The following RELN variants were observed in gnomAD, a reference collection of about 807,000 sequenced individuals.
RELN encodes the protein reelin.
RELN carries 108 observed loss-of-function variants against 427.6 expected under a neutral mutation model. That is an observed-to-expected ratio of 0.25 (90% CI 0.22 to 0.30). The LOEUF is 0.30. Among genes scored for constraint, RELN ranks in the 10% least tolerant of loss-of-function variants. RELN has a pLI of 1.00. For synonymous variants in RELN, 1,524 were observed against 1,513.4 expected (o/e 1.01, Z -0.16); for missense variants, 3,715 against 4,302.8 (o/e 0.86, Z 3.82).
At chr7:103,844,173 G>A (rs1313708735) in intron 2 of RELN, among the ~76,000 whole-genome samples, 1 of 152,184 alleles carries the variant, frequency 6.6e-6, no homozygotes, top group East Asian at 1.9e-4. Context: ...TCCAAGCCAT[G>A]TAGGAGACTA....
At position 103,580,053 on chromosome 7, in the gene RELN, C is replaced by CA. The variant is rs200409446; in HGVS notation, c.4146-4349dup. On this transcript the variant is annotated intron_variant, in intron 28 of 64. Transcript: ENST00000428762. ...CCATCACCAATGTGTTTTCTGTAGGCAAGAGCCCGGTGAATTAATATGAGC... is the reference window on the plus strand; with the variant it reads ...CCATCACCAATGTGTTTTCTGTAGGCAAAGAGCCCGGTGAATTAATATGAGC... 7.2e-3 allele frequency among the ~76,000 whole-genome samples: 1,097 copies of CA among 152,284 alleles called. 8 individuals carry two copies. Among genetic ancestry groups the CA allele is most frequent in the Non-Finnish European group, 0.011 (744 of 68,026 alleles).
chr7:103,507,200 A>G (rs1829245164), intron 51 of RELN, among the ~76,000 whole-genome samples: 1 of 152,152 alleles, frequency 6.6e-6, no homozygotes, highest in Non-Finnish European at 1.5e-5. Flanking sequence ...CATCTACAGA[A>G]CTCTCCACCT....
At chr7:103,481,236 T>C (rs1384944383) in intron 63 of RELN, among the ~76,000 whole-genome samples, 2 of 152,140 alleles carry the variant, frequency 1.3e-5, no homozygotes, top group African/African-American at 2.4e-5. Context: ...CCAAAATAGG[T>C]AAGTGCAATT....
intron 2 of RELN, among the ~76,000 whole-genome samples, chr7:103,872,683 G>C (rs909755058): frequency 6.8e-6 from 1 of 146,472 alleles, no homozygotes; most frequent in African/African-American, 2.5e-5. Flanking sequence ...CCCACCAACA[G>C]TGTAAAAGTG....
chr7:103,895,954 C>A (rs1794950324), intron 2 of RELN, among the ~76,000 whole-genome samples: 1 of 152,020 alleles, frequency 6.6e-6, no homozygotes, highest in South Asian at 2.1e-4. Flanking sequence ...TGATAGAGGA[C>A]TGATACACAG....
In RELN at chr7:103,636,413, T is replaced by A. The variant is rs114577182; in HGVS notation, c.2125A>T (p.Met709Leu). The A allele has an allele frequency of 1.2e-5, 20 of 1,613,832 alleles. No individual in the cohort carries two copies. Among genetic ancestry groups the A allele is most frequent in the African/African-American group, 1.1e-4 (8 of 74,898 alleles). ...CTGCCAAAGCTTTCAGAAATAAACATTGGGAATGTCTGGGATGCCATCTCA... is the reference window on the plus strand; with the variant it reads ...CTGCCAAAGCTTTCAGAAATAAACAATGGGAATGTCTGGGATGCCATCTCA... ...ACEMASQTFPMFISESFGSSR... is the reference protein window; with the variant it reads ...ACEMASQTFPLFISESFGSSR... The change falls in exon 18 of 65, where the codon ATG becomes TTG. Residue 709 changes from methionine to leucine, a missense_variant. Transcript: ENST00000428762.
intron 2 of RELN, among the ~76,000 whole-genome samples, chr7:103,863,507 G>GT (rs1794121159): frequency 6.6e-6 from 1 of 152,184 alleles, no homozygotes; most frequent in Non-Finnish European, 1.5e-5. Flanking sequence ...TGCAATGGGA[G>GT]TAGTTTTTTA....
intron 4 of RELN, among the ~76,000 whole-genome samples, chr7:103,753,690 T>A (rs1791061928): frequency 6.6e-6 from 1 of 152,204 alleles, no homozygotes; most frequent in Non-Finnish European, 1.5e-5. Flanking sequence ...TACAAATTAA[T>A]AATGGTTTTA....
At chr7:103,851,029 C>T (rs1233871464) in intron 2 of RELN, among the ~76,000 whole-genome samples, 1 of 152,168 alleles carries the variant, frequency 6.6e-6, no homozygotes, top group African/African-American at 2.4e-5. Context: ...GATACTTGCA[C>T]AGGCGTATTT....
rs997735183 is a variant in RELN at position 103,620,685 on chromosome 7, G to A, written c.2703-8882C>T. On this transcript the variant is annotated intron_variant, in intron 20 of 64. Transcript: ENST00000428762. This position sits in a 1 kb window ranked among gnomAD's most constrained non-coding sequence, Gnocchi z 4.1. Reference sequence around the variant, plus strand: ...GATGAGGTTCCATCATGTTGGCCAGGCTGGTCTTGAACTCCTGACCTCAAG... The same window carrying A: ...GATGAGGTTCCATCATGTTGGCCAGACTGGTCTTGAACTCCTGACCTCAAG... Among the ~76,000 whole-genome samples, 2 of 151,960 alleles carry A rather than the reference G, an allele frequency of 1.3e-5. No homozygotes were observed. The highest frequency in any genetic ancestry group is 2.4e-5 in the African/African-American group (1 of 41,352).
chr7:103,516,902 T>A (rs1829579127), intron 49 of RELN, among the ~76,000 whole-genome samples: 2 of 152,250 alleles, frequency 1.3e-5, no homozygotes, highest in Non-Finnish European at 2.9e-5. Context: ...CCAACCAAGA[T>A]TCACTCACAG....
intron 2 of RELN, among the ~76,000 whole-genome samples, chr7:103,839,780 G>T (rs971303208): frequency 1.3e-5 from 2 of 152,254 alleles, no homozygotes; most frequent in African/African-American, 4.8e-5. Flanking sequence ...ACAACCCTAT[G>T]AAGTAGGAGT....
intron 38 of RELN, among the ~76,000 whole-genome samples, chr7:103,556,270 A>G (rs1830517979): frequency 6.6e-6 from 1 of 152,152 alleles, no homozygotes; most frequent in South Asian, 2.1e-4. Flanking sequence ...AGAACTATGT[A>G]TTCCCAAATA....
At chr7:103,741,724 G>A (rs1015480830) in intron 6 of RELN, among the ~76,000 whole-genome samples, 1 of 151,900 alleles carries the variant, frequency 6.6e-6, no homozygotes, top group Non-Finnish European at 1.5e-5. Context: ...AGAGACGAAA[G>A]TGATGGGTAT....
intron 4 of RELN, among the ~76,000 whole-genome samples, chr7:103,754,374 A>G (rs563481195): frequency 3.9e-5 from 6 of 152,124 alleles, no homozygotes; most frequent in Non-Finnish European, 7.4e-5. Context: ...GTGCTGAACT[A>G]CAGCTAGGAG....
At chr7:103,894,312 T>A (rs553565571) in intron 2 of RELN, among the ~76,000 whole-genome samples, 12 of 152,176 alleles carry the variant, frequency 7.9e-5, no homozygotes, top group Non-Finnish European at 1.6e-4. Context: ...TTTGCAGAAA[T>A]AGTTTTAATC....
chr7:103,565,404 T>C lies in RELN; in HGVS notation c.5084A>G (p.His1695Arg), dbSNP rs758656847. ...QYSLNNGKDW[H>R]LVTEECVPPT... ...AGGAACACACTCTTCGGTGACAAGA[T>C]GCCAGTCCTTGCCATTGTTCAGAGA... Residue 1695 changes from histidine (H) to arginine (R), a missense_variant, in exon 34 of 65, where the codon CAT becomes CGT. Transcript: ENST00000428762. 6.2e-7 allele frequency: 1 copy of C among 1,614,108 alleles called. No homozygotes were observed. Among genetic ancestry groups the C allele is most frequent in the East Asian group, 2.2e-5 (1 of 44,866 alleles).
At chr7:103,895,390 C>T (rs762796168) in intron 2 of RELN, among the ~76,000 whole-genome samples, 4 of 152,050 alleles carry the variant, frequency 2.6e-5, no homozygotes, top group Non-Finnish European at 2.9e-5. Context: ...ATGAGAATGC[C>T]GAGGGTCATT....
chr7:103,526,162 T>C (rs897315797), intron 46 of RELN, among the ~76,000 whole-genome samples: 2 of 152,212 alleles, frequency 1.3e-5, no homozygotes, highest in African/African-American at 2.4e-5. Flanking sequence ...TTTCTGAGCA[T>C]TGGCTGTGTT....
Sources: gnomAD v4.1 joint callset for allele counts (sites outside exome capture counted in the v4.1 genomes callset) on GRCh38, gnomAD v4.1.1 for gene constraint, Gnocchi (gnomAD v3.1) non-coding constraint, MANE v1.5 for transcripts, NCBI Gene and HGNC (gene_info 2026-07-23, HGNC 2026-07-21) for gene names.